Variants in DLC1 observed in about 807,000 individuals in gnomAD.
DLC1 encodes the protein rho GTPase-activating protein 7.
DLC1 carries 54 observed loss-of-function variants against 140.3 expected under a neutral mutation model. That is an observed-to-expected ratio of 0.38 (90% confidence interval 0.31 to 0.48). DLC1 has a LOEUF of 0.48. DLC1 is among the 20% of genes least tolerant of loss of function. The pLI is 0.96. For synonymous variants in DLC1, 986 were observed against 728.1 expected, an observed-to-expected ratio of 1.35 and a Z score of -5.70; for missense variants, 2,536 against 1,907.0, an observed-to-expected ratio of 1.33 and a Z score of -6.14.
At chr8:13,160,335 A>AGTCATAAAGTTG (rs1824594401) in intron 5 of DLC1, 1 of 152,246 alleles carries the variant, frequency 6.6e-6, no homozygotes. Flanking sequence ...TGCTAACTTG[A>AGTCATAAAGTTG]AGCCATAAAC....
intron 1 of DLC1, among the ~76,000 whole-genome samples, chr8:13,511,343 T>G (rs1802356967): frequency 6.6e-6 from 1 of 151,810 alleles, no homozygotes; most frequent in Non-Finnish European, 1.5e-5. Flanking sequence ...GGCATTTGAG[T>G]CACTGTTTAA....
intron 5 of DLC1, among the ~76,000 whole-genome samples, chr8:13,190,360 T>G (rs944500690): frequency 2.0e-5 from 3 of 152,134 alleles, no homozygotes; most frequent in Non-Finnish European, 4.4e-5. Context: ...GGTCCCTGTT[T>G]CCCTTTCCAC....
chr8:13,233,962 C>T (rs938074985), intron 5 of DLC1, among the ~76,000 whole-genome samples: 3 of 152,134 alleles, frequency 2.0e-5, no homozygotes, highest in Admixed American at 6.5e-5. Flanking sequence ...CAACCATTCA[C>T]GAGCTACAAG....
At chr8:13,539,081 T>G (rs1298477368) in intron 1 of DLC1, among the ~76,000 whole-genome samples, 1 of 152,226 alleles carries the variant, frequency 6.6e-6, no homozygotes, top group African/African-American at 2.4e-5. Flanking sequence ...TTTTGAATAA[T>G]TTCACATTCT....
chr8:13,260,618 A>T (rs1309144331), intron 5 of DLC1, among the ~76,000 whole-genome samples: 6 of 152,150 alleles, frequency 3.9e-5, no homozygotes, highest in Non-Finnish European at 8.8e-5. Flanking sequence ...ATAGGACAAG[A>T]TAGGAGGAAA....
At chr8:13,230,092 G>A (rs1828976761) in intron 5 of DLC1, among the ~76,000 whole-genome samples, 1 of 152,188 alleles carries the variant, frequency 6.6e-6, no homozygotes, top group South Asian at 2.1e-4. Context: ...ATGAGCCTTT[G>A]CTACTTTATG....
At position 13,499,059 on chromosome 8, in the gene DLC1, C is replaced by T. The variant is rs779202345; in HGVS notation, c.1013G>A (p.Arg338His). Residue 338 changes from arginine (R) to histidine (H), a missense_variant, in exon 2 of 18, where the codon CGT (arginine) becomes CAT (histidine). Physicochemically the swap from Arg to His is conservative, Grantham distance 29. Coordinates refer to ENST00000276297, the MANE Select transcript of DLC1 (RefSeq NM_182643.3). ...QEPTDNQVRL[R>H]KRKEIREDRD... ...GTGCATATGTCTTACCTTTCTCTTA[C>T]GAAGTCTGACTTGGTTATCTGTGGG... The T allele has an allele frequency of 1.4e-5, 23 of 1,609,218 alleles. 1 individual carries two copies. The East Asian group carries it at 4.0e-4, about 28-fold the overall frequency.
chr8:13,224,023 C>G (rs1188301), intron 5 of DLC1, among the ~76,000 whole-genome samples: 87,798 of 151,938 alleles, frequency 0.58, 26,473 homozygotes, highest in East Asian at 0.84. Context: ...GTCAAGATCG[C>G]ATTATGTAAT....
rs143994132 is a variant in DLC1, at chr8:13,462,589, G to A, written c.1023+36460C>T. On this transcript the variant is annotated intron_variant, in intron 2 of 17. Transcript: ENST00000276297. Reference sequence around the variant, plus strand: ...CAGCTATTTTTTTTTGTATTTTTCAGTAGAGACAGGGTTTCACTGTGTTAG... The same window carrying A: ...CAGCTATTTTTTTTTGTATTTTTCAATAGAGACAGGGTTTCACTGTGTTAG... Among the ~76,000 whole-genome samples, 489 of 151,906 alleles carry A rather than the reference G, an allele frequency of 3.2e-3. 11 individuals carry two copies. In the South Asian group the frequency reaches 0.062, roughly 19 times the overall value.
At chr8:13,244,700 G>A (rs746821284) in intron 5 of DLC1, among the ~76,000 whole-genome samples, 2 of 152,014 alleles carry the variant, frequency 1.3e-5, no homozygotes, top group African/African-American at 2.4e-5. Flanking sequence ...TCTTCCCTAC[G>A]TTTCTTCATC....
intron 4 of DLC1, among the ~76,000 whole-genome samples, chr8:13,316,331 T>C (rs184723685): frequency 6.6e-6 from 1 of 152,280 alleles, no homozygotes; most frequent in African/African-American, 2.4e-5. Context: ...TGTCCTAGTA[T>C]ATACAGAGTC....
At chr8:13,591,308 G>A (rs1805506764) in intron 1 of DLC1, among the ~76,000 whole-genome samples, 1 of 152,086 alleles carries the variant, frequency 6.6e-6, no homozygotes, top group African/African-American at 2.4e-5. Context: ...CATATCATGG[G>A]AGGGACGCAG....
At chr8:13,372,934 G>T (rs1835795028) in intron 4 of DLC1, among the ~76,000 whole-genome samples, 1 of 152,134 alleles carries the variant, frequency 6.6e-6, no homozygotes, top group African/African-American at 2.4e-5. Flanking sequence ...CATCCACCAG[G>T]GGTTGGCTCA....
At chr8:13,160,812 G>T (rs375742072) in intron 5 of DLC1, among the ~76,000 whole-genome samples, 1 of 152,218 alleles carries the variant, frequency 6.6e-6, no homozygotes, top group Non-Finnish European at 1.5e-5. Flanking sequence ...GGAGCCGGGC[G>T]TGGTGGCTCA....
At chr8:13,585,964 T>A (rs1805292046) in intron 1 of DLC1, among the ~76,000 whole-genome samples, 1 of 152,204 alleles carries the variant, frequency 6.6e-6, no homozygotes, top group Non-Finnish European at 1.5e-5. Flanking sequence ...AGAAATATAA[T>A]GCTTAGCCTT....
chr8:13,582,294 G>T (rs991333674), intron 1 of DLC1, among the ~76,000 whole-genome samples: 7 of 152,158 alleles, frequency 4.6e-5, no homozygotes, highest in Non-Finnish European at 4.4e-5. Flanking sequence ...TACTAATATG[G>T]TATAGGTACA....
intron 1 of DLC1, among the ~76,000 whole-genome samples, chr8:13,544,116 T>A (rs907757394): frequency 6.6e-6 from 1 of 152,190 alleles, no homozygotes; most frequent in Middle Eastern, 3.4e-3. Context: ...ATCCCATGTA[T>A]AATATATATA....
intron 4 of DLC1, among the ~76,000 whole-genome samples, chr8:13,391,482 G>A (rs1039787061): frequency 4.6e-5 from 7 of 151,920 alleles, no homozygotes; most frequent in African/African-American, 7.3e-5. Context: ...TCTTAATTGC[G>A]ATTGTGGGGT....
intron 4 of DLC1, among the ~76,000 whole-genome samples, chr8:13,370,894 C>A (rs958292162): frequency 6.6e-6 from 1 of 152,144 alleles, no homozygotes; most frequent in Admixed American, 6.5e-5. Context: ...TACTCCCCAC[C>A]ACAACACAGC....
Sources: allele counts gnomAD v4.1 joint callset (sites outside exome capture counted in the v4.1 genomes callset), GRCh38; gene constraint gnomAD v4.1.1; transcripts MANE v1.5; gene names NCBI Gene and HGNC (gene_info 2026-07-23, HGNC 2026-07-21).